RRM1: variants seen among roughly 807,000 people sequenced by gnomAD.
The protein encoded by RRM1 is ribonucleoside-diphosphate reductase large subunit.
A neutral mutation model predicts 101.5 loss-of-function variants in RRM1; 19 were observed. The observed-to-expected ratio is 0.19, with a 90% confidence interval of 0.13 to 0.27. RRM1 has a LOEUF of 0.27. Among genes scored for constraint, RRM1 ranks in the 10% least tolerant of loss-of-function variants. RRM1 has a pLI of 1.00. For synonymous variants in RRM1, 298 were observed against 323.4 expected, an observed-to-expected ratio of 0.92 and a Z score of 0.84; for missense variants, 500 against 962.9, an observed-to-expected ratio of 0.52 and a Z score of 6.36.
In RRM1 at chr11:4,094,814, GGGT is replaced by G; in HGVS notation, c.-196_-194del. ...CCCGTCGCGCCCCTTTGTGCGTCACGGGTGGCGGGCGCGGGAAGGGGATTTGGA... is the reference window on the plus strand; with the variant it reads ...CCCGTCGCGCCCCTTTGTGCGTCACGGGCGGGCGCGGGAAGGGGATTTGGA... On this transcript the variant is annotated 5_prime_UTR_variant, in exon 1 of 19. Transcript: ENST00000300738. The G allele has an allele frequency of 1.6e-6, 1 of 608,868 alleles. No individual in the cohort carries two copies. The highest frequency in any genetic ancestry group is 3.0e-6 in the Non-Finnish European group (1 of 338,932). 37.7% of individuals were successfully genotyped at this position (608,868 alleles called of 1,614,324 possible).
rs148416235 is a variant in RRM1, at chr11:4,127,907, G to A, written c.1692+651G>A. Among the ~76,000 whole-genome samples the A allele has an allele frequency of 8.3e-3, 1,261 of 152,244 alleles. 8 individuals carry two copies. The highest frequency in any genetic ancestry group is 0.014 in the South Asian group (67 of 4,826). ...TCAGGAGTCCAGACTTAGCTTAGCT[G>A]GGCCTTCTTTTCTGGGTCTGTGTTC... On this transcript the variant is annotated intron_variant, in intron 14 of 18. Transcript: ENST00000300738.
Position 4,112,042 on chromosome 11 carries a change from C to G in RRM1, c.630C>G (p.Thr210=). The change falls in exon 7 of 19, where the codon ACC becomes ACG. Residue 210 remains threonine, a synonymous_variant. Coordinates refer to ENST00000300738, the MANE Select transcript of RRM1 (RefSeq NM_001033.5). ...CGCCCACTCTCTTCAATGCTGGTAC[C>G]AACCGCCCACAACTTTCTAGGTAGG... ...HASPTLFNAG[T]NRPQLSSCFL... is the part of the protein sequence containing the mutation. 1 of 1,613,314 alleles carries G rather than the reference C, an allele frequency of 6.2e-7. No individual in the cohort carries two copies. The highest frequency in any genetic ancestry group is 8.5e-7 in the Non-Finnish European group (1 of 1,179,642).
intron 1 of RRM1, among the ~76,000 whole-genome samples, chr11:4,096,005 C>T (rs925056472): frequency 3.3e-5 from 5 of 152,136 alleles, no homozygotes; most frequent in South Asian, 4.1e-4. Context: ...TCTATTTTGT[C>T]CTCTAGGCTG....
At chr11:4,107,890 C>T (rs11030967) in intron 4 of RRM1, among the ~76,000 whole-genome samples, 77,813 of 151,870 alleles carry the variant, frequency 0.51, 20,560 homozygotes, top group Non-Finnish European at 0.59. Flanking sequence ...AGTTGTATAA[C>T]GTTCCATTTT....
intron 17 of RRM1, 98 bp downstream of exon 17, chr11:4,133,756 G>A (rs1422084187): frequency 1.7e-5 from 11 of 661,654 alleles, no homozygotes; most frequent in East Asian, 1.4e-4. Flanking sequence ...ACTTCATTGT[G>A]TTCATCTAGG....
chr11:4,117,258 A>G (rs2094575054), intron 7 of RRM1, among the ~76,000 whole-genome samples: 1 of 152,342 alleles, frequency 6.6e-6, no homozygotes, highest in African/African-American at 2.4e-5. Context: ...AAACGTGTAT[A>G]TCTTTTGACC....
intron 15 of RRM1, among the ~76,000 whole-genome samples, chr11:4,131,155 G>T (rs1279521716): frequency 6.6e-6 from 1 of 152,198 alleles, no homozygotes; most frequent in Non-Finnish European, 1.5e-5. Context: ...AGCAGAAGGG[G>T]AGGCAAACAG....
At position 4,138,639 on chromosome 11, in the gene RRM1, T is replaced by C. The variant is rs534138602; in HGVS notation, c.*256T>C. On this transcript the variant is annotated 3_prime_UTR_variant, in exon 19 of 19. Transcript: ENST00000300738. The stretch of plus-strand genomic sequence containing the variant: ...ATATTGAGAATCAAAGTAGAAGTTT[T>C]AGGAATGCAAAATAAGTCATCTTGC... The C allele has an allele frequency of 1.3e-5, 4 of 296,330 alleles. No homozygotes were observed. The South Asian group carries it at 6.2e-4, about 46-fold the overall frequency. The allele number at this position is 296,330 out of a possible 1,614,324, so 18.4% of individuals were successfully genotyped here.
At chr11:4,105,289 T>G (rs770689644) in intron 2 of RRM1, among the ~76,000 whole-genome samples, 9 of 152,042 alleles carry the variant, frequency 5.9e-5, no homozygotes, top group Non-Finnish European at 1.0e-4. Flanking sequence ...TGCAGTGCCA[T>G]GATCATAGAT....
In RRM1 at chr11:4,138,285, G is replaced by C. The variant is rs1411455887; in HGVS notation, c.2281G>C (p.Glu761Gln). ...TLNKEKLKDK[E>Q]KVSKEEEEKE... ...AAATAAGGAGAAGCTAAAAGATAAAGAAAAGGTATCAAAAGAGGAAGAAGA... is the reference window on the plus strand; with the variant it reads ...AAATAAGGAGAAGCTAAAAGATAAACAAAAGGTATCAAAAGAGGAAGAAGA... Residue 761 changes from glutamate (E) to glutamine (Q), a missense_variant, in exon 19 of 19, where the codon GAA becomes CAA. This residue lies in a region of RRM1 where 33 missense variants were observed against 40.7 expected (regional missense o/e 0.81). Transcript: ENST00000300738. The C allele has an allele frequency of 1.9e-6, 3 of 1,611,326 alleles. No individual in the cohort carries two copies. Among genetic ancestry groups the C allele is most frequent in the Admixed American group, 1.7e-5 (1 of 59,892 alleles).
chr11:4,121,604 C>T lies in RRM1; in HGVS notation c.877C>T (p.Arg293Cys), dbSNP rs1251962665. Residue 293 changes from arginine (R) to cysteine (C), a missense_variant and splice_region_variant, in exon 10 of 19, where the codon CGT (arginine) becomes TGT (cysteine). Transcript: ENST00000300738. ...ARYVDQGGNK[R>C]PGAFAIYLEP... Reference sequence around the variant, plus strand: ...AGAATTATGATTTATTTACCACTAGCGTCCTGGGGCATTTGCTATTTACCT... The same window carrying T: ...AGAATTATGATTTATTTACCACTAGTGTCCTGGGGCATTTGCTATTTACCT... 3 of 1,602,946 alleles carry T rather than the reference C, an allele frequency of 1.9e-6. No homozygotes were observed. Among genetic ancestry groups the T allele is most frequent in the Non-Finnish European group, 2.6e-6 (3 of 1,175,448 alleles).
chr11:4,132,521 G>T lies in RRM1; in HGVS notation c.1905+100G>T. ...TTAATTTGCCCATTTTCTTAGTTTG[G>T]GTGCAAACTTTGATAAAGACAGTCA... On this transcript the variant is annotated intron_variant, in intron 16 of 18. Coordinates refer to ENST00000300738, the MANE Select transcript of RRM1 (RefSeq NM_001033.5). The surrounding 1 kb of genome is among the most constrained non-coding windows in gnomAD (Gnocchi z 4.1). 7.8e-6 allele frequency: 10 copies of T among 1,280,072 alleles called. No individual in the cohort carries two copies. The highest frequency in any genetic ancestry group is 2.7e-5 in the South Asian group (2 of 73,132). 79.3% of individuals were successfully genotyped at this position (1,280,072 alleles called of 1,614,324 possible).
chr11:4,122,251 T>C (rs2094582921), intron 11 of RRM1, 31 bp downstream of exon 11: 4 of 1,446,362 alleles, frequency 2.8e-6, no homozygotes, highest in Non-Finnish European at 3.9e-6. Flanking sequence ...AAAACAATAA[T>C]GTTTTAATCA....
chr11:4,129,171 T>C, intron 15 of RRM1, 21 bp downstream of exon 15: 1 of 1,483,000 alleles, frequency 6.7e-7, no homozygotes, highest in Non-Finnish European at 9.4e-7. Context: ...AGATGTAAAG[T>C]AGCTTTGAAG....
At chr11:4,128,894 A>G (rs1263494109) in intron 14 of RRM1, among the ~76,000 whole-genome samples, 180 bp from the exon 15 acceptor site, 1 of 152,094 alleles carries the variant, frequency 6.6e-6, no homozygotes, top group Non-Finnish European at 1.5e-5. Context: ...TCTGATCAAT[A>G]TGACTACATG....
intron 7 of RRM1, among the ~76,000 whole-genome samples, chr11:4,114,423 G>T (rs902872804): frequency 6.6e-6 from 1 of 150,616 alleles, no homozygotes; most frequent in Admixed American, 6.6e-5. Context: ...ATGGTGGCAG[G>T]CGCCTGTAAT....
chr11:4,116,074 G>GGCC (rs2094572787), intron 7 of RRM1: 1 of 152,208 alleles, frequency 6.6e-6, no homozygotes, highest in Admixed American at 6.5e-5. Context: ...GCAGGGGGAG[G>GGCC]GCCAGGGAAG....
chr11:4,126,603 A>G, intron 12 of RRM1, 81 bp from the exon 13 acceptor site: 1 of 1,302,112 alleles, frequency 7.7e-7, no homozygotes, highest in South Asian at 1.4e-5. Flanking sequence ...TCTGAGTATT[A>G]GAGGCTCACA....
At chr11:4,126,940 G>C in intron 13 of RRM1, 95 bp from the exon 14 acceptor site, 1 of 1,421,904 alleles carries the variant, frequency 7.0e-7, no homozygotes, top group Admixed American at 2.0e-5. Flanking sequence ...AAAATGGTTT[G>C]AGAAAAAGAG....
Sources: allele counts gnomAD v4.1 joint callset (sites outside exome capture counted in the v4.1 genomes callset), GRCh38; gene constraint gnomAD v4.1.1; regional missense constraint gnomAD v4.1.1; non-coding constraint Gnocchi (gnomAD v3.1); transcripts MANE v1.5; gene names NCBI Gene and HGNC (gene_info 2026-07-23, HGNC 2026-07-21).